The following RAB32 variants were observed in gnomAD, a reference collection of about 807,000 sequenced individuals.
The protein encoded by RAB32 is RAB32, member RAS oncogene family.
RAB32 carries 17 observed loss-of-function variants against 17.5 expected under a neutral mutation model. The ratio of observed to expected loss-of-function variants is 0.97; its 90% confidence interval spans 0.67 to 1.46. The LOEUF is 1.46. RAB32 is among the 40% of genes most tolerant of loss of function. RAB32 has a pLI of 0.00. For missense variants in RAB32, 288 were observed against 284.3 expected, an observed-to-expected ratio of 1.01 and a Z score of -0.09; for synonymous variants, 115 against 111.1, an observed-to-expected ratio of 1.04 and a Z score of -0.22.
At chr6:146,544,763 G>C (rs1779799131) in intron 1 of RAB32, among the ~76,000 whole-genome samples, 1 of 82,934 alleles carries the variant, frequency 1.2e-5, no homozygotes, top group Admixed American at 1.2e-4. Flanking sequence ...CATCCCTGGT[G>C]CCCTCGCCCC....
Position 146,554,506 on chromosome 6 carries a change from T to G in RAB32, c.579T>G (p.Leu193=). The change falls in exon 3 of 3, where the codon CTT becomes CTG. Residue 193 remains leucine, a synonymous_variant. Transcript: ENST00000367495. ...CCCGGTTCCTAGTGGAGAAGATTCT[T>G]GTAAACCACCAAAGCTTTCCTAATG... ...EAARFLVEKI[L]VNHQSFPNEE... 6.2e-7 allele frequency: 1 copy of G among 1,613,914 alleles called. No individual in the cohort carries two copies. The highest frequency in any genetic ancestry group is 8.5e-7 in the Non-Finnish European group (1 of 1,179,840).
chr6:146,546,782 G>GTTTTTTTTTTTTTTTTTTTTTTT (rs962778741), intron 1 of RAB32, among the ~76,000 whole-genome samples: 1 of 118,518 alleles, frequency 8.4e-6, no homozygotes, highest in African/African-American at 3.5e-5. Context: ...TACTAGTTAG[G>GTTTTTTTTTTTTTTTTTTTTTTT]TTTTTTTTTT....
At chr6:146,546,984 T>G (rs1040550571) in intron 1 of RAB32, among the ~76,000 whole-genome samples, 1 of 152,188 alleles carries the variant, frequency 6.6e-6, no homozygotes, top group African/African-American at 2.4e-5. Flanking sequence ...AAATCTGTTC[T>G]TACGGCATTG....
rs763406375 is a variant in RAB32 at position 146,549,725 on chromosome 6, T to G, written c.512T>G (p.Phe171Cys). The G allele has an allele frequency of 7.4e-6, 12 of 1,613,942 alleles. No homozygotes were observed. In the Admixed American group the frequency reaches 2.0e-4, roughly 27 times the overall value. ...AAAGAACATGGCTTTGCCGGATGGT[T>G]TGAAACCTCTGCAAAGGTGAGATCT... Reference protein sequence around the residue: ...FCKEHGFAGWFETSAKDNINI... With the variant: ...FCKEHGFAGWCETSAKDNINI... Residue 171 changes from phenylalanine (F) to cysteine (C), a missense_variant, in exon 2 of 3, where the codon TTT becomes TGT. Coordinates refer to ENST00000367495, the MANE Select transcript of RAB32 (RefSeq NM_006834.5).
intron 1 of RAB32, among the ~76,000 whole-genome samples, chr6:146,548,383 A>G (rs1779850525): frequency 6.6e-6 from 1 of 152,344 alleles, no homozygotes; most frequent in African/African-American, 2.4e-5. Context: ...ATTTTGGGGT[A>G]TCTTTGCATC....
Position 146,543,905 on chromosome 6 carries a change from G to A in RAB32, c.34G>A (p.Gly12Arg). 6.3e-7 allele frequency: 1 copy of A among 1,587,284 alleles called. No individual in the cohort carries two copies. The highest frequency in any genetic ancestry group is 8.6e-7 in the Non-Finnish European group (1 of 1,169,044). The stretch of plus-strand genomic sequence containing the variant: ...CGGAGGAGCCGGGGACCCCGGCCTG[G>A]GGGCGGCCGCCGCCCCAGCGCCCGA... ...AGGGAGDPGL[G>R]AAAAPAPETR... Residue 12 changes from glycine to arginine, a missense_variant, in exon 1 of 3, where the codon GGG (glycine) becomes AGG (arginine). By Grantham distance (125) the Gly-to-Arg change is moderately radical. Transcript: ENST00000367495.
Position 146,543,860 on chromosome 6 carries a change from G to C in RAB32, c.-12G>C. 7.1e-7 allele frequency: 1 copy of C among 1,400,528 alleles called. No homozygotes were observed. The highest frequency in any genetic ancestry group is 1.6e-5 in the South Asian group (1 of 63,836). 86.8% of individuals were successfully genotyped at this position (1,400,528 alleles called of 1,614,324 possible). ...ACTCGGAGTCGAGGCGCGCCCGACA[G>C]CCGCAGCGCTCATGGCGGGCGGAGG... On this transcript the variant is annotated 5_prime_UTR_variant, in exon 1 of 3. Transcript: ENST00000367495.
At position 146,549,717 on chromosome 6, in the gene RAB32, CG is replaced by C; in HGVS notation, c.506del (p.Gly169AspfsTer11). 6.2e-7 allele frequency: 1 copy of C among 1,614,062 alleles called. No homozygotes were observed. The highest frequency in any genetic ancestry group is 8.5e-7 in the Non-Finnish European group (1 of 1,179,986). ...DQFCKEHGFA[G>X]WFETSAKDNI... Reference sequence around the variant, plus strand: ...AATTCTGCAAAGAACATGGCTTTGCCGGATGGTTTGAAACCTCTGCAAAGGT... The same window carrying C: ...AATTCTGCAAAGAACATGGCTTTGCCGATGGTTTGAAACCTCTGCAAAGGT... On this transcript the variant is annotated frameshift_variant, in exon 2 of 3. Coordinates refer to ENST00000367495, the MANE Select transcript of RAB32 (RefSeq NM_006834.5). LOFTEE classifies it high-confidence loss of function.
chr6:146,552,053 G>T (rs1028648802), intron 2 of RAB32, among the ~76,000 whole-genome samples: 1 of 152,124 alleles, frequency 6.6e-6, no homozygotes, highest in Non-Finnish European at 1.5e-5. Flanking sequence ...TCTGACTTTT[G>T]CTTGAATTGC....
intron 1 of RAB32, among the ~76,000 whole-genome samples, chr6:146,548,976 A>G (rs567932224): frequency 6.6e-6 from 1 of 152,274 alleles, no homozygotes; most frequent in Non-Finnish European, 1.5e-5. Flanking sequence ...TGGGCTAGAG[A>G]TATGAAGGAG....
At chr6:146,547,988 G>T (rs1779845187) in intron 1 of RAB32, among the ~76,000 whole-genome samples, 1 of 152,110 alleles carries the variant, frequency 6.6e-6, no homozygotes, top group African/African-American at 2.4e-5. Flanking sequence ...GGTAATGTGT[G>T]CACTGCATTT....
At chr6:146,546,782 G>GTTTTTTTTTTTTTTT (rs962778741) in intron 1 of RAB32, among the ~76,000 whole-genome samples, 3 of 118,518 alleles carry the variant, frequency 2.5e-5, no homozygotes, top group African/African-American at 3.5e-5. Context: ...TACTAGTTAG[G>GTTTTTTTTTTTTTTT]TTTTTTTTTT....
At chr6:146,547,843 G>A (rs1779842761) in intron 1 of RAB32, among the ~76,000 whole-genome samples, 1 of 151,514 alleles carries the variant, frequency 6.6e-6, no homozygotes, top group Admixed American at 6.6e-5. Flanking sequence ...TAAAGATATA[G>A]TCCAAAGGAA....
chr6:146,549,787 T>G (rs1241114147), intron 2 of RAB32, 46 bp downstream of exon 2: 2 of 1,568,348 alleles, frequency 1.3e-6, no homozygotes, highest in South Asian at 2.3e-5. Context: ...TAGCTCATAA[T>G]TCTGAGCTGT....
intron 2 of RAB32, among the ~76,000 whole-genome samples, chr6:146,553,488 T>C (rs1296898620): frequency 6.6e-6 from 1 of 152,032 alleles, no homozygotes; most frequent in Non-Finnish European, 1.5e-5. Flanking sequence ...CAGATGGAGG[T>C]ATATTCACCG....
intron 1 of RAB32, 81 bp downstream of exon 1, chr6:146,544,202 T>G: frequency 1.4e-6 from 2 of 1,467,008 alleles, no homozygotes; most frequent in Non-Finnish European, 1.8e-6. Context: ...TTTTCTTTTC[T>G]GCCTGAACTC....
rs1298882216 is a variant in RAB32, at chr6:146,549,720, A to C, written c.507A>C (p.Gly169=). ...DQFCKEHGFA[G]WFETSAKDNI... ...TCTGCAAAGAACATGGCTTTGCCGG[A>C]TGGTTTGAAACCTCTGCAAAGGTGA... is the stretch of plus-strand genomic sequence containing the variant. The change falls in exon 2 of 3, where the codon GGA becomes GGC. Residue 169 remains glycine (G), a synonymous_variant. Coordinates refer to ENST00000367495, the MANE Select transcript of RAB32 (RefSeq NM_006834.5). 6.2e-7 allele frequency: 1 copy of C among 1,614,018 alleles called. No homozygotes were observed. The highest frequency in any genetic ancestry group is 1.3e-5 in the African/African-American group (1 of 74,942).
At chr6:146,548,455 G>T (rs1779851381) in intron 1 of RAB32, among the ~76,000 whole-genome samples, 1 of 152,194 alleles carries the variant, frequency 6.6e-6, no homozygotes, top group East Asian at 1.9e-4. Context: ...GTTTCAAGAA[G>T]AAAGTGTCTT....
intron 2 of RAB32, 33 bp from the exon 3 acceptor site, chr6:146,554,423 A>C: frequency 1.3e-6 from 2 of 1,574,584 alleles, no homozygotes; most frequent in Middle Eastern, 3.5e-4. Context: ...TTAATCCTAA[A>C]AATTAATCCC....
Sources: gnomAD v4.1 joint callset for allele counts (sites outside exome capture counted in the v4.1 genomes callset) on GRCh38, gnomAD v4.1.1 for gene constraint, MANE v1.5 for transcripts, NCBI Gene and HGNC (gene_info 2026-07-23, HGNC 2026-07-21) for gene names.